The following SPMIP3 variants were observed in gnomAD, a reference collection of about 807,000 sequenced individuals.
SPMIP3 encodes protein SPMIP3.
chr1:244,363,651 G>A, the SPMIP3 span, among the ~76,000 whole-genome samples: 1 of 152,140 alleles, frequency 6.6e-6, no homozygotes, highest in Admixed American at 6.6e-5. Flanking sequence ...GCTGCTTCCA[G>A]GAGTATTGAG....
the SPMIP3 span, among the ~76,000 whole-genome samples, chr1:244,387,658 A>G: frequency 6.6e-6 from 1 of 152,198 alleles, no homozygotes; most frequent in Non-Finnish European, 1.5e-5. Flanking sequence ...TTGAAGAAAG[A>G]TAAGGTGTAA....
At chr1:244,369,673 G>A in the SPMIP3 span, among the ~76,000 whole-genome samples, 4 of 148,662 alleles carry the variant, frequency 2.7e-5, no homozygotes, top group East Asian at 2.3e-4. Flanking sequence ...CATAGGGCAC[G>A]AAAGATTGGT....
chr1:244,359,645 C>CT, the SPMIP3 span, among the ~76,000 whole-genome samples: 1 of 151,854 alleles, frequency 6.6e-6, no homozygotes, highest in African/African-American at 2.4e-5. Flanking sequence ...ATCACTTAAA[C>CT]ACAGGAGGCG....
the SPMIP3 span, among the ~76,000 whole-genome samples, chr1:244,376,190 G>A: frequency 1.3e-4 from 20 of 152,082 alleles, no homozygotes; most frequent in South Asian, 2.1e-4. Flanking sequence ...AGTACCCCAC[G>A]AGCACGGTCA....
chr1:244,365,467 C>T, the SPMIP3 span, among the ~76,000 whole-genome samples: 1 of 152,310 alleles, frequency 6.6e-6, no homozygotes, highest in South Asian at 2.1e-4. Context: ...GGAAGACATG[C>T]CTTTCCTCCT....
chr1:244,387,895 G>A, the SPMIP3 span, among the ~76,000 whole-genome samples: 1 of 151,884 alleles, frequency 6.6e-6, no homozygotes, highest in African/African-American at 2.4e-5. Context: ...CAAAAGAATG[G>A]ATGAACTTCA....
the SPMIP3 span, chr1:244,389,265 T>C: frequency 2.3e-6 from 1 of 428,920 alleles, no homozygotes; most frequent in Non-Finnish European, 4.2e-6. Context: ...TTAAGAGAAC[T>C]TGAATTTAAG....
At chr1:244,357,780 A>G in the SPMIP3 span, among the ~76,000 whole-genome samples, 2 of 152,030 alleles carry the variant, frequency 1.3e-5, no homozygotes. Context: ...AATGAGAAAC[A>G]ACGAATATAA....
At chr1:244,366,677 C>T in the SPMIP3 span, among the ~76,000 whole-genome samples, 4 of 152,080 alleles carry the variant, frequency 2.6e-5, no homozygotes, top group Non-Finnish European at 5.9e-5. Context: ...GTCAGGAGTT[C>T]GAGACCAGCC....
chr1:244,361,524 C>T, the SPMIP3 span, among the ~76,000 whole-genome samples: 19 of 152,004 alleles, frequency 1.2e-4, no homozygotes, highest in African/African-American at 4.3e-4. Context: ...CCACCGCGCC[C>T]GGCCTGTTCT....
chr1:244,380,123 CTTTTTTTTT>C, the SPMIP3 span, among the ~76,000 whole-genome samples: 149 of 115,534 alleles, frequency 1.3e-3, no homozygotes, highest in African/African-American at 4.3e-3. Context: ...CAGAGTTTTT[CTTTTTTTTT>C]TTTTTTTTTT....
At chr1:244,358,297 G>C in the SPMIP3 span, among the ~76,000 whole-genome samples, 1 of 115,622 alleles carries the variant, frequency 8.6e-6, no homozygotes, top group East Asian at 2.6e-4. Flanking sequence ...GTTTAAATAT[G>C]TATGGGCCGG....
At chr1:244,378,764 A>ATGTATG in the SPMIP3 span, 4 of 1,036,834 alleles carry the variant, frequency 3.9e-6, no homozygotes, top group African/African-American at 6.5e-5. Context: ...AGGCATGGAT[A>ATGTATG]TGTGTGTGTG....
chr1:244,361,780 T>C, the SPMIP3 span, among the ~76,000 whole-genome samples: 58,707 of 152,050 alleles, frequency 0.39, 12,301 homozygotes, highest in Middle Eastern at 0.5. Flanking sequence ...CAAGACTGAT[T>C]CAGAATTTCT....
chr1:244,388,240 T>A, the SPMIP3 span, among the ~76,000 whole-genome samples: 1 of 152,174 alleles, frequency 6.6e-6, no homozygotes, highest in Non-Finnish European at 1.5e-5. Flanking sequence ...ATTTTCTATT[T>A]ATTGTGATAT....
the SPMIP3 span, chr1:244,389,121 A>G: frequency 7.3e-7 from 1 of 1,370,124 alleles, no homozygotes; most frequent in African/African-American, 1.4e-5. Context: ...GCCCTTTTAG[A>G]CTAAGTTAAT....
the SPMIP3 span, among the ~76,000 whole-genome samples, chr1:244,366,013 C>T: frequency 6.6e-6 from 1 of 152,018 alleles, no homozygotes; most frequent in African/African-American, 2.4e-5. Context: ...GATGACAGTC[C>T]GTAAATCCTA....
chr1:244,367,250 T>C, the SPMIP3 span, among the ~76,000 whole-genome samples: 6 of 152,170 alleles, frequency 3.9e-5, no homozygotes, highest in Non-Finnish European at 5.9e-5. Flanking sequence ...CTGGGTTTTA[T>C]GCTATTATAC....
the SPMIP3 span, among the ~76,000 whole-genome samples, chr1:244,368,845 G>A: frequency 6.6e-6 from 1 of 152,198 alleles, no homozygotes; most frequent in Non-Finnish European, 1.5e-5. Context: ...ACTTAGTAGT[G>A]GCCACATAAA....
Sources: allele counts gnomAD v4.1 joint callset (sites outside exome capture counted in the v4.1 genomes callset), GRCh38; gene constraint gnomAD v4.1.1; transcripts MANE v1.5; gene names NCBI Gene and HGNC (gene_info 2026-07-23, HGNC 2026-07-21).